Variants in STPG2 observed in about 807,000 individuals in gnomAD.
STPG2 encodes sperm tail PG-rich repeat containing 2.
In STPG2, 56 loss-of-function variants were observed where a neutral mutation model predicts 54.2. The observed-to-expected ratio is 1.03, with a 90% CI of 0.83 to 1.29. The LOEUF is 1.29. Ranked by LOEUF, STPG2 falls within the 50% of genes most tolerant of loss-of-function variation. The probability of loss-of-function intolerance (pLI) is 0.00; values close to 1 mark genes in which losing one functional copy is unlikely to be tolerated. For synonymous variants in STPG2, 200 were observed against 181.8 expected, an observed-to-expected ratio of 1.10 and a Z score of -0.81; for missense variants, 596 against 544.9, an observed-to-expected ratio of 1.09 and a Z score of -0.93.
At chr4:97,534,018 C>T (rs1328618875) in intron 4 of STPG2, among the ~76,000 whole-genome samples, 1 of 152,076 alleles carries the variant, frequency 6.6e-6, no homozygotes, top group Non-Finnish European at 1.5e-5. Context: ...ATTTTACATT[C>T]CTACAAGCAA....
At chr4:98,121,326 T>A (rs1039185167) in intron 3 of STPG2, among the ~76,000 whole-genome samples, 13 of 152,292 alleles carry the variant, frequency 8.5e-5, no homozygotes, top group Admixed American at 8.5e-4. Flanking sequence ...GCTAGTGTGA[T>A]GCCTCTAGTT....
intron 8 of STPG2, among the ~76,000 whole-genome samples, chr4:97,894,182 T>C (rs1306308142): frequency 1.3e-5 from 2 of 152,096 alleles, no homozygotes; most frequent in Admixed American, 6.6e-5. Flanking sequence ...GTTCTAAATA[T>C]GAATTCACTT....
chr4:97,801,404 T>C (rs1344773238), intron 9 of STPG2, among the ~76,000 whole-genome samples: 1 of 152,196 alleles, frequency 6.6e-6, no homozygotes, highest in Non-Finnish European at 1.5e-5. Context: ...CCTTTCATCC[T>C]TTCTACATCC....
At chr4:97,759,988 T>A (rs962881969) in intron 9 of STPG2, among the ~76,000 whole-genome samples, 1 of 152,148 alleles carries the variant, frequency 6.6e-6, no homozygotes, top group Non-Finnish European at 1.5e-5. Flanking sequence ...TTACAGCCTC[T>A]CATGGCACAC....
At chr4:98,015,011 T>C (rs1735891850) in intron 5 of STPG2, among the ~76,000 whole-genome samples, 1 of 152,182 alleles carries the variant, frequency 6.6e-6, no homozygotes. Context: ...AATCAGTTGT[T>C]TTTATCTTAC....
Position 98,001,627 on chromosome 4 carries a change from C to A in STPG2, c.613-20309G>T, listed in dbSNP as rs187237774. ...CCATATAAGATTAATTATTATTACA[C>A]TTGCAAAGACAGAGAATTCAAATGC... On this transcript the variant is annotated intron_variant, in intron 5 of 10. Transcript: ENST00000295268. Among the ~76,000 whole-genome samples the A allele has an allele frequency of 6.6e-5, 10 of 152,196 alleles. No homozygotes were observed. In the East Asian group the frequency reaches 1.9e-3, roughly 29 times the overall value.
intron 5 of STPG2, among the ~76,000 whole-genome samples, chr4:98,053,500 A>C (rs559050737): frequency 6.6e-6 from 1 of 151,530 alleles, no homozygotes; most frequent in Non-Finnish European, 1.5e-5. Flanking sequence ...TAAAACCTTT[A>C]AGAATCAATC....
intron 8 of STPG2, among the ~76,000 whole-genome samples, chr4:97,912,603 C>T (rs1731722734): frequency 6.6e-6 from 1 of 151,740 alleles, no homozygotes; most frequent in African/African-American, 2.4e-5. Context: ...ATGAGACAGG[C>T]AAACAAGAAT....
At chr4:97,725,147 C>T (rs892243857) in intron 9 of STPG2, among the ~76,000 whole-genome samples, 1 of 152,024 alleles carries the variant, frequency 6.6e-6, no homozygotes, top group Admixed American at 6.6e-5. Context: ...GGAAGGCAGT[C>T]GGGTGTTCTA....
At chr4:97,857,866 T>C (rs565831114) in intron 8 of STPG2, among the ~76,000 whole-genome samples, 49 of 152,080 alleles carry the variant, frequency 3.2e-4, no homozygotes, top group South Asian at 2.3e-3. Flanking sequence ...AAAAATCAAG[T>C]AGACTTTCTA....
intron 5 of STPG2, among the ~76,000 whole-genome samples, chr4:98,024,338 G>C (rs1350626109): frequency 6.6e-6 from 1 of 152,146 alleles, no homozygotes. Flanking sequence ...ATTATCAAAT[G>C]TTTTCCATGA....
intron 9 of STPG2, among the ~76,000 whole-genome samples, chr4:97,832,458 G>A (rs1728498896): frequency 6.6e-6 from 1 of 152,166 alleles, no homozygotes; most frequent in Non-Finnish European, 1.5e-5. Flanking sequence ...ACTGGCATAA[G>A]GCAAGGATGC....
intron 2 of STPG2, among the ~76,000 whole-genome samples, chr4:98,131,308 T>C (rs956512324): frequency 6.6e-6 from 1 of 152,164 alleles, no homozygotes; most frequent in Admixed American, 6.5e-5. Flanking sequence ...CTGAATTTCA[T>C]TCGTTATTTT....
intron 8 of STPG2, among the ~76,000 whole-genome samples, chr4:97,918,568 T>G (rs1731974776): frequency 6.6e-6 from 1 of 152,034 alleles, no homozygotes; most frequent in Admixed American, 6.6e-5. Context: ...AATATATATG[T>G]GTATGTGTAT....
At chr4:97,506,276 CA>C (rs1228905814) in intron 4 of STPG2, among the ~76,000 whole-genome samples, 1 of 151,692 alleles carries the variant, frequency 6.6e-6, no homozygotes, top group Non-Finnish European at 1.5e-5. Context: ...TCTGGATGAA[CA>C]AAAAGTTAAT....
chr4:97,569,386 T>C (rs2148882330), intron 10 of STPG2, among the ~76,000 whole-genome samples: 1 of 152,294 alleles, frequency 6.6e-6, no homozygotes, highest in East Asian at 1.9e-4. Context: ...CTGCAATCAA[T>C]TTGATCAGCA....
chr4:98,043,664 A>C (rs538237051), intron 5 of STPG2, among the ~76,000 whole-genome samples: 20 of 152,078 alleles, frequency 1.3e-4, no homozygotes, highest in Non-Finnish European at 2.8e-4. Flanking sequence ...GCATTAACAT[A>C]CTTTAGTTAT....
At chr4:97,671,829 C>G (rs888243366) in intron 10 of STPG2, among the ~76,000 whole-genome samples, 3 of 152,072 alleles carry the variant, frequency 2.0e-5, no homozygotes, top group African/African-American at 7.2e-5. Flanking sequence ...AGAACCTAGA[C>G]CAGTGGCCTC....
intron 4 of STPG2, among the ~76,000 whole-genome samples, chr4:97,545,295 C>G (rs1352661159): frequency 1.3e-5 from 2 of 152,074 alleles, no homozygotes; most frequent in Non-Finnish European, 2.9e-5. Flanking sequence ...AATTCTAAAA[C>G]TAGAGAAGCA....
Sources: gnomAD v4.1 joint callset for allele counts (sites outside exome capture counted in the v4.1 genomes callset) on GRCh38, gnomAD v4.1.1 for gene constraint, MANE v1.5 for transcripts, NCBI Gene and HGNC (gene_info 2026-07-23, HGNC 2026-07-21) for gene names.